PCDHA2: variants seen among roughly 807,000 people sequenced by gnomAD.
PCDHA2 encodes protocadherin alpha 2, also known as protocadherin alpha-2.
Under a neutral mutation model 66.0 loss-of-function variants are expected in PCDHA2, and 58 were observed. The observed-to-expected ratio is 0.88, with a 90% CI of 0.71 to 1.09. PCDHA2 has a LOEUF of 1.09. Among genes scored for constraint, PCDHA2 ranks in the 50% least tolerant of loss-of-function variants. The probability of loss-of-function intolerance (pLI) is 0.00; values close to 1 mark genes in which losing one functional copy is unlikely to be tolerated. For synonymous variants in PCDHA2, 634 were observed against 554.0 expected, an observed-to-expected ratio of 1.14 and a Z score of -2.03; for missense variants, 1,267 against 1,242.3, an observed-to-expected ratio of 1.02 and a Z score of -0.30.
intron 1 of PCDHA2, among the ~76,000 whole-genome samples, chr5:140,953,512 C>G (rs2094896275): frequency 6.6e-6 from 1 of 152,106 alleles, no homozygotes; most frequent in Non-Finnish European, 1.5e-5. Context: ...TAGGCCAAAG[C>G]AACAAAAACG....
chr5:140,863,422 G>T (rs782158453), intron 1 of PCDHA2: 6 of 689,158 alleles, frequency 8.7e-6, no homozygotes, highest in Middle Eastern at 5.8e-4. Flanking sequence ...GTACCGCAGC[G>T]TAGTGGGATC....
rs1277596666 is a variant in PCDHA2 at position 140,856,532 on chromosome 5, G to A, written c.2388+59180G>A. ...AGAAGGCGCATCTGATGCGGATGTT[G>A]GAGAGAACGCATTGCTTACTTACAA... On this transcript the variant is annotated intron_variant, in intron 1 of 3. Transcript: ENST00000526136. The A allele has an allele frequency of 1.9e-6, 3 of 1,598,248 alleles. 1 individual carries two copies. The highest frequency in any genetic ancestry group is 2.6e-6 in the Non-Finnish European group (3 of 1,167,844).
In PCDHA2 at chr5:140,848,545, C is replaced by T. The variant is rs2150412582; in HGVS notation, c.2388+51193C>T. On this transcript the variant is annotated intron_variant, in intron 1 of 3. Transcript: ENST00000526136. ...CCAGAGGGTCAGCCTCTACTGCTCT[C>T]GCTTCTGATCCTCGCAATGTGGGTG... is the stretch of plus-strand genomic sequence containing the variant. The T allele has an allele frequency of 7.5e-6, 12 of 1,595,324 alleles. No homozygotes were observed. In the South Asian group the frequency reaches 1.1e-4, roughly 15 times the overall value.
In PCDHA2 at chr5:140,796,283, G is replaced by T; in HGVS notation, c.1319G>T (p.Ser440Ile). 1.2e-6 allele frequency: 2 copies of T among 1,614,166 alleles called. No homozygotes were observed. The highest frequency in any genetic ancestry group is 1.7e-6 in the Non-Finnish European group (2 of 1,180,052). The change falls in exon 1 of 4, where the codon AGC (serine) becomes ATC (isoleucine). Residue 440 changes from serine (S) to isoleucine (I), a missense_variant. By Grantham distance (142) the Ser-to-Ile change is moderately radical (BLOSUM62 -2). Coordinates refer to ENST00000526136, the MANE Select transcript of PCDHA2 (RefSeq NM_018905.3). ...GGSPSLWATTSVSIEVADVND... is the reference protein window; with the variant it reads ...GGSPSLWATTIVSIEVADVND... Reference sequence around the variant, plus strand: ...TCGCCTTCACTGTGGGCCACCACCAGCGTGTCCATCGAGGTGGCCGACGTG... The same window carrying T: ...TCGCCTTCACTGTGGGCCACCACCATCGTGTCCATCGAGGTGGCCGACGTG...
intron 1 of PCDHA2, among the ~76,000 whole-genome samples, chr5:140,800,189 C>T (rs1762520345): frequency 6.6e-6 from 1 of 151,832 alleles, no homozygotes; most frequent in Non-Finnish European, 1.5e-5. Context: ...AAAATTAAAC[C>T]TAATATATTC....
chr5:140,977,872 T>A (rs1554238851), intron 1 of PCDHA2, among the ~76,000 whole-genome samples: 1 of 152,258 alleles, frequency 6.6e-6, no homozygotes, highest in African/African-American at 2.4e-5. Flanking sequence ...ATGGTAAGTA[T>A]AATGTAGAGG....
intron 1 of PCDHA2, chr5:140,816,909 T>C (rs1766022832): frequency 6.6e-6 from 1 of 152,122 alleles, no homozygotes; most frequent in Non-Finnish European, 1.5e-5. Context: ...AAGCCCTCAG[T>C]TATAGATTCT....
At chr5:140,976,666 A>G (rs1260651584) in intron 1 of PCDHA2, among the ~76,000 whole-genome samples, 4 of 152,188 alleles carry the variant, frequency 2.6e-5, no homozygotes, top group African/African-American at 9.6e-5. Flanking sequence ...CAAAGTTCAG[A>G]TGTCTCATTT....
At chr5:140,994,059 A>G (rs2097593470) in intron 3 of PCDHA2, among the ~76,000 whole-genome samples, 5 of 152,174 alleles carry the variant, frequency 3.3e-5, no homozygotes, top group Admixed American at 3.3e-4. Context: ...GCCCTTATAA[A>G]TCTAATGGTG....
chr5:140,966,938 G>A (rs1159097726), intron 1 of PCDHA2: 1 of 1,604,146 alleles, frequency 6.2e-7, no homozygotes, highest in African/African-American at 1.3e-5. Context: ...CGGCGCGCTC[G>A]TGGGCAACGT....
intron 1 of PCDHA2, among the ~76,000 whole-genome samples, chr5:140,962,807 C>T (rs1463442901): frequency 5.3e-5 from 8 of 152,220 alleles, no homozygotes; most frequent in Non-Finnish European, 1.0e-4. Flanking sequence ...CAACTCTAAA[C>T]ATCAGAGATG....
intron 1 of PCDHA2, among the ~76,000 whole-genome samples, chr5:140,832,290 A>G (rs1433191230): frequency 6.6e-6 from 1 of 152,162 alleles, no homozygotes; most frequent in African/African-American, 2.4e-5. Context: ...TGAATGGTGT[A>G]TTTGCCCACA....
At chr5:140,988,014 A>G (rs782358781) in intron 3 of PCDHA2, among the ~76,000 whole-genome samples, 4 of 152,242 alleles carry the variant, frequency 2.6e-5, no homozygotes, top group African/African-American at 7.2e-5. Context: ...GAAAGAAAGC[A>G]TGATTCTTAA....
Position 140,928,044 on chromosome 5 carries a change from T to C in PCDHA2, c.2389-50905T>C, listed in dbSNP as rs782342331. The C allele has an allele frequency of 4.6e-5, 75 of 1,614,078 alleles. 1 individual carries two copies. The highest frequency in any genetic ancestry group is 3.0e-4 in the Admixed American group (18 of 60,006). On this transcript the variant is annotated intron_variant, in intron 1 of 3. Transcript: ENST00000526136. The stretch of plus-strand genomic sequence containing the variant: ...TTTGTGGCATGTCTAGTGCAGGCCC[T>C]TTTCAGCTGACGGCTTCCTTTGACA...
At chr5:140,947,106 C>T (rs1172898991) in intron 1 of PCDHA2, among the ~76,000 whole-genome samples, 2 of 151,140 alleles carry the variant, frequency 1.3e-5, no homozygotes, top group Non-Finnish European at 3.0e-5. Context: ...TAAATAGGTA[C>T]GTGTCAATTA....
intron 1 of PCDHA2, among the ~76,000 whole-genome samples, chr5:140,910,320 A>G (rs1362740704): frequency 1.3e-5 from 2 of 152,212 alleles, no homozygotes; most frequent in African/African-American, 4.8e-5. Flanking sequence ...CATGAGTCAG[A>G]CTATTGTGAT....
chr5:141,005,451 C>G (rs1263058026), intron 3 of PCDHA2, among the ~76,000 whole-genome samples: 1 of 151,986 alleles, frequency 6.6e-6, no homozygotes, highest in Non-Finnish European at 1.5e-5. Flanking sequence ...CGCCTGTAAT[C>G]CCAGCACTTT....
At chr5:140,884,414 C>G in intron 1 of PCDHA2, 2 of 1,614,008 alleles carry the variant, frequency 1.2e-6, no homozygotes, top group Non-Finnish European at 1.7e-6. Context: ...GCTCACGTTG[C>G]TGCTGTATAC....
chr5:140,928,392 G>T (rs17844366), intron 1 of PCDHA2: 1 of 1,614,052 alleles, frequency 6.2e-7, no homozygotes, highest in Admixed American at 1.7e-5. Context: ...TGCTGGCAGT[G>T]GAATCATCCA....
Sources: gnomAD v4.1 joint callset for allele counts (sites outside exome capture counted in the v4.1 genomes callset) on GRCh38, gnomAD v4.1.1 for gene constraint, MANE v1.5 for transcripts, NCBI Gene and HGNC (gene_info 2026-07-23, HGNC 2026-07-21) for gene names.